Variants in NAV2 observed in about 807,000 individuals in gnomAD.
The protein encoded by NAV2 is helicase, APC down-regulated 1.
NAV2 carries 54 observed loss-of-function variants against 223.2 expected under a neutral mutation model. That is an observed-to-expected ratio of 0.24 (90% CI 0.19 to 0.30). The LOEUF (loss-of-function observed/expected upper bound fraction) is 0.30. Among genes scored for constraint, NAV2 ranks in the 10% least tolerant of loss-of-function variants. The pLI, the probability that NAV2 is intolerant of heterozygous loss-of-function variation, is 1.00. For synonymous variants in NAV2, 1,279 were observed against 1,239.3 expected, an observed-to-expected ratio of 1.03 and a Z score of -0.67; for missense variants, 2,806 against 3,147.5, an observed-to-expected ratio of 0.89 and a Z score of 2.60.
At chr11:19,576,843 T>C (rs1393658895) in intron 1 of NAV2, among the ~76,000 whole-genome samples, 1 of 152,154 alleles carries the variant, frequency 6.6e-6, no homozygotes, top group Non-Finnish European at 1.5e-5. Flanking sequence ...ACACACAGCA[T>C]TGGATGGAAT....
chr11:19,916,484 C>T (rs1395038707), intron 6 of NAV2, among the ~76,000 whole-genome samples: 1 of 152,230 alleles, frequency 6.6e-6, no homozygotes, highest in Non-Finnish European at 1.5e-5. Flanking sequence ...CATCTCTTTT[C>T]AGTTTAAAGG....
intron 14 of NAV2, among the ~76,000 whole-genome samples, chr11:20,046,097 AG>A (rs2057393574): frequency 6.6e-6 from 1 of 152,186 alleles, no homozygotes. Context: ...GCACTTTGGG[AG>A]GCCAAGGCGG....
intron 2 of NAV2, among the ~76,000 whole-genome samples, chr11:19,841,952 A>T (rs1344427904): frequency 3.9e-5 from 6 of 152,170 alleles, no homozygotes; most frequent in Non-Finnish European, 5.9e-5. Flanking sequence ...TGTTTTATAG[A>T]TGAGGAAACT....
chr11:19,428,275 C>A (rs1284382922), intron 1 of NAV2, among the ~76,000 whole-genome samples: 1 of 152,116 alleles, frequency 6.6e-6, no homozygotes, highest in South Asian at 2.1e-4. Context: ...TGTTTAAAAG[C>A]CTCTGCCCTT....
chr11:19,551,497 T>C (rs7943800), intron 1 of NAV2, among the ~76,000 whole-genome samples: 61,115 of 152,088 alleles, frequency 0.4, 15,866 homozygotes, highest in African/African-American at 0.74. Context: ...CTGTCCCTGA[T>C]CCACTTGCAC....
chr11:19,425,903 TATC>T (rs996712995), intron 1 of NAV2, among the ~76,000 whole-genome samples: 1 of 152,226 alleles, frequency 6.6e-6, no homozygotes, highest in African/African-American at 2.4e-5. Flanking sequence ...TACTAAAAGT[TATC>T]ATCCAAAGCC....
chr11:19,580,334 C>CT (rs35679395), intron 1 of NAV2, among the ~76,000 whole-genome samples: 14,624 of 149,298 alleles, frequency 0.098, 1,955 homozygotes, highest in African/African-American at 0.31. Context: ...ATTTTTCTTT[C>CT]TTTTTTTTTT....
intron 24 of NAV2, 141 bp from the exon 25 acceptor site, chr11:20,079,923 C>A: frequency 2.5e-6 from 2 of 791,772 alleles, no homozygotes; most frequent in Non-Finnish European, 3.9e-6. Context: ...TTAGAAACAG[C>A]TGTAGGGATC....
At chr11:19,709,381 A>C (rs1254036681), upstream of NAV2, among the ~76,000 whole-genome samples, 1 of 151,858 alleles carries the variant, frequency 6.6e-6, no homozygotes, top group Non-Finnish European at 1.5e-5. Context: ...TCTCTACTAA[A>C]AATACAAAAA....
At chr11:19,414,212 G>A (rs1315382329) in intron 1 of NAV2, among the ~76,000 whole-genome samples, 1 of 152,156 alleles carries the variant, frequency 6.6e-6, no homozygotes, top group African/African-American at 2.4e-5. Context: ...AAAATAAAGG[G>A]ATGGAGGAAT....
intron 1 of NAV2, among the ~76,000 whole-genome samples, chr11:19,636,782 C>T (rs889218352): frequency 3.9e-5 from 6 of 152,206 alleles, no homozygotes; most frequent in African/African-American, 7.2e-5. Flanking sequence ...GTTCTGCAGT[C>T]TTTAAGTCTT....
Position 20,044,118 on chromosome 11 carries a change from G to T in NAV2, c.3045G>T (p.Val1015=). ...GSKWRRNPSD[V]SDESDKSTSG... is the part of the protein sequence containing the mutation. ...AGTGGAGGCGGAATCCTTCTGATGT[G>T]TCTGACGAGTCCGACAAAAGCACGT... Residue 1015 remains valine (V), a synonymous_variant, in exon 13 of 38, where the codon GTG becomes GTT. Transcript: ENST00000349880. 6.2e-7 allele frequency: 1 copy of T among 1,614,200 alleles called. No homozygotes were observed. The highest frequency in any genetic ancestry group is 8.5e-7 in the Non-Finnish European group (1 of 1,180,034).
intron 1 of NAV2, among the ~76,000 whole-genome samples, chr11:19,732,751 G>C (rs958360825): frequency 1.3e-5 from 2 of 152,200 alleles, no homozygotes; most frequent in African/African-American, 4.8e-5. Flanking sequence ...TCAGATACCT[G>C]GGTGTTTCCT....
At chr11:19,740,573 A>G (rs1296590570) in intron 1 of NAV2, among the ~76,000 whole-genome samples, 1 of 152,188 alleles carries the variant, frequency 6.6e-6, no homozygotes, top group Non-Finnish European at 1.5e-5. Context: ...CTAAAAAAAA[A>G]TAAAAATAAA....
intron 1 of NAV2, among the ~76,000 whole-genome samples, chr11:19,411,714 A>C (rs1850153022): frequency 6.6e-6 from 1 of 152,150 alleles, no homozygotes; most frequent in African/African-American, 2.4e-5. Flanking sequence ...ATCTTCATTT[A>C]GATAGCCAAG....
intron 10 of NAV2, among the ~76,000 whole-genome samples, chr11:19,973,361 A>G (rs1485407822): frequency 6.6e-6 from 1 of 152,224 alleles, no homozygotes; most frequent in East Asian, 1.9e-4. Context: ...TGTGTCTCAG[A>G]GCACTCTGAG....
intron 1 of NAV2, among the ~76,000 whole-genome samples, chr11:19,363,893 G>A (rs913640705): frequency 9.9e-5 from 15 of 152,242 alleles, no homozygotes; most frequent in Admixed American, 8.5e-4. Flanking sequence ...CACAAGGCAA[G>A]GTGTGTGGGA....
At chr11:19,358,468 G>C (rs567100065) in intron 1 of NAV2, among the ~76,000 whole-genome samples, 4 of 152,276 alleles carry the variant, frequency 2.6e-5, no homozygotes, top group African/African-American at 9.6e-5. Context: ...TGGATGTACA[G>C]GGGATTTCTT....
chr11:19,845,371 T>C (rs894555), intron 3 of NAV2, among the ~76,000 whole-genome samples: 17,968 of 152,154 alleles, frequency 0.12, 1,118 homozygotes, highest in Admixed American at 0.15. Flanking sequence ...GTAGAAAGCA[T>C]GGCAGAAGGA....
Sources: allele counts gnomAD v4.1 joint callset (sites outside exome capture counted in the v4.1 genomes callset), GRCh38; gene constraint gnomAD v4.1.1; transcripts MANE v1.5; gene names NCBI Gene and HGNC (gene_info 2026-07-23, HGNC 2026-07-21).